CACNA1C: variants seen among roughly 807,000 people sequenced by gnomAD.
CACNA1C encodes voltage-dependent L-type calcium channel subunit alpha-1C.
A neutral mutation model predicts 229.0 loss-of-function variants in CACNA1C; 30 were observed. The ratio of observed to expected loss-of-function variants is 0.13; its 90% confidence interval spans 0.10 to 0.18. CACNA1C has a LOEUF of 0.18. Among genes scored for constraint, CACNA1C ranks in the 10% least tolerant of loss-of-function variants. The pLI is 1.00. For missense variants in CACNA1C, 1,658 were observed against 2,845.0 expected, an observed-to-expected ratio of 0.58 and a Z score of 9.49; for synonymous variants, 1,114 against 1,132.5, an observed-to-expected ratio of 0.98 and a Z score of 0.33.
intron 4 of CACNA1C, among the ~76,000 whole-genome samples, 169 bp downstream of exon 4, chr12:2,449,284 AAG>A (rs774798005): frequency 2.0e-5 from 3 of 152,220 alleles, no homozygotes; most frequent in Non-Finnish European, 4.4e-5. Flanking sequence ...CAGAAAGGGA[AAG>A]AGAGACTCAG....
intron 39 of CACNA1C, chr12:2,676,888 G>C (rs1331397556): frequency 2.2e-6 from 1 of 458,348 alleles, no homozygotes; most frequent in East Asian, 3.6e-5. Flanking sequence ...TGGTGACTAG[G>C]CAGATAAGGG....
intron 1 of CACNA1C, among the ~76,000 whole-genome samples, chr12:2,047,063 A>G (rs1413117530): frequency 6.6e-6 from 1 of 152,154 alleles, no homozygotes; most frequent in Non-Finnish European, 1.5e-5. Context: ...TTCTAGTTCT[A>G]GTGCCTGAAA....
At position 2,246,854 on chromosome 12, in the gene CACNA1C, C is replaced by A. The variant is rs76411674; in HGVS notation, c.477+126424C>A. On this transcript the variant is annotated intron_variant, in intron 3 of 46. Coordinates refer to ENST00000399655, the MANE Select transcript of CACNA1C (RefSeq NM_000719.7). ...ATGACCCATCCAAGAACTGTAATCT[C>A]CTGTCTTCAAGGAGGCCAGTTCCCT... is the stretch of plus-strand genomic sequence containing the variant. Among the ~76,000 whole-genome samples, 1,008 of 152,274 alleles carry A rather than the reference C, an allele frequency of 6.6e-3. 10 individuals carry two copies. Among genetic ancestry groups the A allele is most frequent in the Non-Finnish European group, 8.5e-3 (581 of 68,030 alleles).
At chr12:2,355,983 C>T (rs1191664003) in intron 3 of CACNA1C, among the ~76,000 whole-genome samples, 1 of 152,216 alleles carries the variant, frequency 6.6e-6, no homozygotes, top group Non-Finnish European at 1.5e-5. Context: ...CTCCTCCAGG[C>T]CCGCAACCCC....
intron 3 of CACNA1C, among the ~76,000 whole-genome samples, chr12:2,300,891 A>G (rs2094503962): frequency 6.6e-6 from 1 of 152,146 alleles, no homozygotes; most frequent in African/African-American, 2.4e-5. Flanking sequence ...ATCCAAAGAG[A>G]TATCCAAGGA....
At chr12:2,318,535 G>T (rs1189167644) in intron 3 of CACNA1C, among the ~76,000 whole-genome samples, 2 of 152,238 alleles carry the variant, frequency 1.3e-5, no homozygotes. Context: ...TACGCCCTGT[G>T]CTACGCTTCT....
intron 1 of CACNA1C, among the ~76,000 whole-genome samples, chr12:2,025,472 A>G (rs775634093): frequency 7.2e-5 from 11 of 152,170 alleles, no homozygotes; most frequent in Non-Finnish European, 1.2e-4. Flanking sequence ...GTTGAGGGCC[A>G]GACACCTTCT....
chr12:2,365,988 TAA>T (rs1325095401), intron 3 of CACNA1C, among the ~76,000 whole-genome samples: 6 of 152,116 alleles, frequency 3.9e-5, no homozygotes, highest in African/African-American at 1.4e-4. Flanking sequence ...TCTCAGAAAA[TAA>T]AGCATACATG....
intron 5 of CACNA1C, among the ~76,000 whole-genome samples, chr12:2,468,749 G>C (rs931909855): frequency 6.6e-6 from 1 of 152,236 alleles, no homozygotes; most frequent in Non-Finnish European, 1.5e-5. Context: ...AATTGTGATG[G>C]GGTGGGAGGC....
chr12:2,555,962 T>G (rs946795150), intron 10 of CACNA1C, among the ~76,000 whole-genome samples: 2 of 152,134 alleles, frequency 1.3e-5, no homozygotes, highest in Non-Finnish European at 2.9e-5. Context: ...GCTCCACCAC[T>G]GTCTCCATCC....
intron 3 of CACNA1C, among the ~76,000 whole-genome samples, chr12:2,341,117 C>A (rs1002026485): frequency 1.3e-4 from 20 of 152,206 alleles, no homozygotes; most frequent in African/African-American, 4.8e-4. Flanking sequence ...TTACCCTTGT[C>A]ACCTGGACAG....
chr12:2,309,880 C>A (rs2095325560), intron 3 of CACNA1C, among the ~76,000 whole-genome samples: 1 of 152,148 alleles, frequency 6.6e-6, no homozygotes, highest in Non-Finnish European at 1.5e-5. Context: ...GAGGAGACAG[C>A]TGGATCCTAG....
At position 1,977,872 on chromosome 12, in the gene CACNA1C, T is replaced by G. The variant is rs183602688; in HGVS notation, c.139+6671T>G. On this transcript the variant is annotated intron_variant, in intron 1 of 46. Coordinates refer to the CACNA1C transcript ENST00000682462. ...CAGGTACACTTTAACTTTGGAGCTT[T>G]GGAAGACAATCAAGTTTATACTTCA... Among the ~76,000 whole-genome samples, 18 of 152,354 alleles carry G rather than the reference T, an allele frequency of 1.2e-4. No homozygotes were observed. In the East Asian group the frequency reaches 2.9e-3, roughly 24 times the overall value.
At chr12:2,617,004 G>A in intron 29 of CACNA1C, among the ~76,000 whole-genome samples, 1 of 152,260 alleles carries the variant, frequency 6.6e-6, no homozygotes, top group East Asian at 1.9e-4. Context: ...TAAGAATGGG[G>A]CAGCAGTTCA....
chr12:2,053,388 A>T lies in CACNA1C; in HGVS notation c.-175A>T. The T allele has an allele frequency of 7.2e-7, 1 of 1,395,228 alleles. No individual in the cohort carries two copies. The highest frequency in any genetic ancestry group is 9.3e-7 in the Non-Finnish European group (1 of 1,072,178). The allele number at this position is 1,395,228 out of a possible 1,614,324, so 86.4% of individuals were successfully genotyped here. A position where few individuals can be genotyped will look rare whatever the true frequency, so the allele number is the denominator to read the frequency against. On this transcript the variant is annotated 5_prime_UTR_variant, in exon 1 of 47. The change abolishes an upstream ATG in the 5' untranslated region. Coordinates refer to ENST00000399655, the MANE Select transcript of CACNA1C (RefSeq NM_000719.7). This position sits in a 1 kb window ranked among gnomAD's most constrained non-coding sequence, Gnocchi z 5.8. ...GCAGTTTTTGGGGTTTGATGCCATAATGGGAATCAGGTAATCGTCGGCGGG... is the reference window on the plus strand; with the variant it reads ...GCAGTTTTTGGGGTTTGATGCCATATTGGGAATCAGGTAATCGTCGGCGGG...
rs562779455 is a variant in CACNA1C, at chr12:2,108,748, C to T, written c.50-6476C>T. 5.3e-5 allele frequency among the ~76,000 whole-genome samples: 8 copies of T among 152,272 alleles called. No individual in the cohort carries two copies. Among genetic ancestry groups the T allele is most frequent in the African/African-American group, 1.9e-4 (8 of 41,556 alleles). On this transcript the variant is annotated intron_variant, in intron 1 of 46. Transcript: ENST00000399655. The surrounding 1 kb of genome is among the most constrained non-coding windows in gnomAD (Gnocchi z 5.3). ...CGGGTTATCGTCTGAGATCGAGAGA[C>T]GGTGTCCTCTCTGTTCACGTCCTCC...
Position 2,348,233 on chromosome 12 carries a change from C to T in CACNA1C, c.478-100743C>T, listed in dbSNP as rs2097104975. On this transcript the variant is annotated intron_variant, in intron 3 of 46. Coordinates refer to ENST00000399655, the MANE Select transcript of CACNA1C (RefSeq NM_000719.7). This position sits in a 1 kb window ranked among gnomAD's most constrained non-coding sequence, Gnocchi z 4.7. ...GCCAGCTGTGCCTGACTCCTGAGGC[C>T]TTCTGCTCACCGGAAGGGGGGCAGG... Among the ~76,000 whole-genome samples, 1 of 152,164 alleles carries T rather than the reference C, an allele frequency of 6.6e-6. No individual in the cohort carries two copies. Among genetic ancestry groups the T allele is most frequent in the Non-Finnish European group, 1.5e-5 (1 of 68,024 alleles).
intron 1 of CACNA1C, among the ~76,000 whole-genome samples, chr12:2,061,742 A>T (rs2057590973): frequency 6.6e-6 from 1 of 152,232 alleles, no homozygotes; most frequent in African/African-American, 2.4e-5. Flanking sequence ...TGAGGGCAGG[A>T]AGAACACCAC....
chr12:2,292,823 C>T (rs2093643227), intron 3 of CACNA1C, among the ~76,000 whole-genome samples: 1 of 152,202 alleles, frequency 6.6e-6, no homozygotes, highest in Non-Finnish European at 1.5e-5. Context: ...GTGTCTCTTC[C>T]TGCCTTTCTC....
Sources: gnomAD v4.1 joint callset for allele counts (sites outside exome capture counted in the v4.1 genomes callset) on GRCh38, gnomAD v4.1.1 for gene constraint, Gnocchi (gnomAD v3.1) non-coding constraint, MANE v1.5 for transcripts, NCBI Gene and HGNC (gene_info 2026-07-23, HGNC 2026-07-21) for gene names.